CFAP47: variants seen among roughly 807,000 people sequenced by gnomAD.
The protein encoded by CFAP47 is cilia- and flagella-associated protein 47.
A neutral mutation model predicts 148.1 loss-of-function variants in CFAP47; 29 were observed. That is an observed-to-expected ratio of 0.20 (90% CI 0.15 to 0.27). The LOEUF (loss-of-function observed/expected upper bound fraction) is 0.27. Among genes scored for constraint, CFAP47 ranks in the 10% least tolerant of loss-of-function variants. The probability of loss-of-function intolerance (pLI) is 1.00; values close to 1 mark genes in which losing one functional copy is unlikely to be tolerated. For missense variants in CFAP47, 1,872 were observed against 1,697.5 expected (o/e 1.10, Z -1.81); for synonymous variants, 664 against 577.3 (o/e 1.15, Z -2.15).
Position 36,159,481 on chromosome X carries a change from G to T in CFAP47, c.5842G>T (p.Ala1948Ser). The T allele has an allele frequency of 3.4e-6, 1 of 297,468 alleles. No homozygotes were observed. The highest frequency in any genetic ancestry group is 5.9e-6 in the Non-Finnish European group (1 of 170,113). 24.5% of individuals were successfully genotyped at this position (297,468 alleles called of 1,213,427 possible). A position where few individuals can be genotyped will look rare whatever the true frequency, so the allele number is the denominator to read the frequency against. ...CAGTCGCTTTATTCGTCCTGCTGAA[G>T]CTTCACTACTATTAATTTCAAAACC... is the stretch of plus-strand genomic sequence containing the variant. The part of the protein sequence containing the change: ...FTSRFIRPAE[A>S]SLLLISKPKN... The change falls in exon 38 of 64, where the codon GCT becomes TCT. Residue 1948 changes from alanine to serine, a missense_variant. Physicochemically the swap from Ala to Ser is moderately conservative, Grantham distance 99. Transcript: ENST00000378653.
chrX:36,029,145 C>T (rs762357430), intron 22 of CFAP47, among the ~76,000 whole-genome samples: 1 of 110,786 alleles, frequency 9.0e-6, no homozygotes, highest in East Asian at 2.8e-4. Context: ...TTGTCCATTT[C>T]CTCTAGATTT....
intron 45 of CFAP47, among the ~76,000 whole-genome samples, chrX:36,223,004 G>C (rs1482928231): frequency 1.8e-5 from 2 of 110,670 alleles, no homozygotes; most frequent in African/African-American, 3.3e-5. Context: ...ACTCAGGATA[G>C]TGAGTGAGTT....
chrX:36,098,642 C>T (rs1354894868), intron 30 of CFAP47, 151 bp from the exon 31 acceptor site: 3 of 291,981 alleles, frequency 1.0e-5, no homozygotes, highest in African/African-American at 8.5e-5. Context: ...GCCACTGCCA[C>T]CTCTGGCTAA....
chrX:36,343,535 G>T (rs986621717), intron 57 of CFAP47, among the ~76,000 whole-genome samples: 3 of 111,653 alleles, frequency 2.7e-5, no homozygotes. Flanking sequence ...ATTCCTCAAG[G>T]ATCTAGAACC....
At chrX:35,963,359 A>G (rs1936360169) in intron 8 of CFAP47, among the ~76,000 whole-genome samples, 1 of 111,474 alleles carries the variant, frequency 9.0e-6, no homozygotes, top group African/African-American at 3.2e-5. Flanking sequence ...TCAAAATTAC[A>G]TATTAAATAC....
chrX:36,384,210 A>T (rs1454488963), intron 63 of CFAP47, among the ~76,000 whole-genome samples: 1 of 110,641 alleles, frequency 9.0e-6, no homozygotes, highest in Non-Finnish European at 1.9e-5. Flanking sequence ...GTGTCGTGGC[A>T]CATGCATGTA....
intron 22 of CFAP47, among the ~76,000 whole-genome samples, chrX:36,025,155 T>C (rs966704186): frequency 9.0e-6 from 1 of 111,557 alleles, no homozygotes; most frequent in Non-Finnish European, 1.9e-5. Flanking sequence ...TAGTGAAAAT[T>C]TTTTGTATAA....
chrX:36,169,724 G>C (rs185266766), intron 39 of CFAP47, among the ~76,000 whole-genome samples: 2 of 111,235 alleles, frequency 1.8e-5, no homozygotes, highest in East Asian at 5.7e-4. Context: ...GATCAGGCAA[G>C]TTAGTTTAAT....
chrX:36,032,232 G>A (rs773679711), intron 23 of CFAP47, among the ~76,000 whole-genome samples: 3 of 109,602 alleles, frequency 2.7e-5, no homozygotes, highest in Non-Finnish European at 5.7e-5. Context: ...TTATTCAATC[G>A]ATGTAAGCAA....
intron 23 of CFAP47, among the ~76,000 whole-genome samples, chrX:36,032,413 G>A (rs776929799): frequency 1.8e-5 from 2 of 110,506 alleles, no homozygotes; most frequent in Non-Finnish European, 3.8e-5. Flanking sequence ...TATGTTTATG[G>A]AAGGTTAATT....
At chrX:36,029,465 G>A (rs1937256989) in intron 22 of CFAP47, among the ~76,000 whole-genome samples, 1 of 110,622 alleles carries the variant, frequency 9.0e-6, no homozygotes, top group South Asian at 3.7e-4. Flanking sequence ...TCCTTAAGGT[G>A]TAAAATTAGG....
chrX:36,312,951 G>A lies in CFAP47; in HGVS notation c.8344+1962G>A, dbSNP rs985463373. 4.5e-5 allele frequency among the ~76,000 whole-genome samples: 5 copies of A among 110,632 alleles called. No homozygotes were observed. In the South Asian group the frequency reaches 1.9e-3, roughly 42 times the overall value. ...GTGAAAAAGAACTTCTTTCCCCGTT[G>A]TTGCTGATGGCATCTCCCTTTCTGT... On this transcript the variant is annotated intron_variant, in intron 56 of 63. Coordinates refer to ENST00000378653, the MANE Select transcript of CFAP47 (RefSeq NM_001304548.2).
chrX:36,077,101 C>G (rs1380957601), intron 29 of CFAP47, among the ~76,000 whole-genome samples: 1 of 95,610 alleles, frequency 1.0e-5, no homozygotes, highest in Non-Finnish European at 2.0e-5. Flanking sequence ...GTCTTTGTGT[C>G]TGTTTTTATA....
rs182388983 is a variant in CFAP47, at chrX:36,319,465, G to A, written c.8443+158G>A. ...TTTAGTAAGTTGATAGAAAAACATG[G>A]ATGGTAAAACATATATATATATATA... On this transcript the variant is annotated intron_variant, in intron 57 of 63. Coordinates refer to ENST00000378653, the MANE Select transcript of CFAP47 (RefSeq NM_001304548.2). 3.7e-3 allele frequency among the ~76,000 whole-genome samples: 400 copies of A among 109,039 alleles called. 3 individuals are homozygous for A. Among genetic ancestry groups the A allele is most frequent in the Middle Eastern group, 9.7e-3 (2 of 207 alleles). 94.7% of individuals were successfully genotyped at this position (109,039 alleles called of 115,157 possible). A position where few individuals can be genotyped will look rare whatever the true frequency, so the allele number is the denominator to read the frequency against.
At chrX:36,282,345 A>C (rs781942648) in intron 50 of CFAP47, among the ~76,000 whole-genome samples, 5 of 111,337 alleles carry the variant, frequency 4.5e-5, no homozygotes, top group Non-Finnish European at 9.4e-5. Context: ...GAAAACCTTC[A>C]TGAGGGTTAA....
At chrX:36,210,338 C>T (rs1240431401) in intron 45 of CFAP47, among the ~76,000 whole-genome samples, 1 of 111,887 alleles carries the variant, frequency 8.9e-6, no homozygotes, top group Non-Finnish European at 1.9e-5. Context: ...TATGAGGATT[C>T]TAATTATTCC....
At position 36,384,878 on chromosome X, in the gene CFAP47, G is replaced by T; in HGVS notation, c.9436G>T (p.Asp3146Tyr). ...ACCAAAAAATGCAAAAGCCAAAATT[G>T]ATGCTACTCACAAGACACATGACAA... Reference protein sequence around the residue: ...VPPKNAKAKIDATHKTHDNMP... With the variant: ...VPPKNAKAKIYATHKTHDNMP... Residue 3146 changes from aspartate to tyrosine, a missense_variant, in exon 64 of 64, where the codon GAT (aspartate) becomes TAT (tyrosine). Physicochemically the swap from Asp to Tyr is radical, Grantham distance 160 (BLOSUM62 -3). Coordinates refer to ENST00000378653, the MANE Select transcript of CFAP47 (RefSeq NM_001304548.2). The T allele has an allele frequency of 8.6e-7, 1 of 1,166,269 alleles. No homozygotes were observed. Among genetic ancestry groups the T allele is most frequent in the Non-Finnish European group, 1.1e-6 (1 of 871,615 alleles).
At chrX:36,336,111 C>T (rs1941602568) in intron 57 of CFAP47, among the ~76,000 whole-genome samples, 1 of 109,937 alleles carries the variant, frequency 9.1e-6, no homozygotes, top group Admixed American at 9.8e-5. Context: ...CTTCCCCTCC[C>T]CTTATGTTTG....
chrX:36,297,593 A>T (rs1167098151), intron 51 of CFAP47, among the ~76,000 whole-genome samples: 1 of 111,713 alleles, frequency 9.0e-6, no homozygotes, highest in Non-Finnish European at 1.9e-5. Flanking sequence ...ATGCTTTATA[A>T]GTCATTAGCC....
Sources: gnomAD v4.1 joint callset for allele counts (sites outside exome capture counted in the v4.1 genomes callset) on GRCh38, gnomAD v4.1.1 for gene constraint, MANE v1.5 for transcripts, NCBI Gene and HGNC (gene_info 2026-07-23, HGNC 2026-07-21) for gene names.